The following SMARCC1 variants were observed in gnomAD, a reference collection of about 807,000 sequenced individuals.
SMARCC1 encodes the protein SWI/SNF complex subunit SMARCC1.
Under a neutral mutation model 147.4 loss-of-function variants are expected in SMARCC1, and 43 were observed. The ratio of observed to expected loss-of-function variants is 0.29; its 90% CI spans 0.23 to 0.38. The LOEUF (loss-of-function observed/expected upper bound fraction) is 0.38, where lower values mean the gene tolerates loss of function less well. Ranked by LOEUF, SMARCC1 falls within the 10% of genes least tolerant of loss-of-function variation. The pLI, the probability that SMARCC1 is intolerant of heterozygous loss-of-function variation, is 1.00. For missense variants in SMARCC1, 1,119 were observed against 1,381.1 expected, an observed-to-expected ratio of 0.81 and a Z score of 3.01; for synonymous variants, 495 against 484.4, an observed-to-expected ratio of 1.02 and a Z score of -0.29.
At chr3:47,655,294 A>AG (rs2033246690) in intron 21 of SMARCC1, among the ~76,000 whole-genome samples, 1 of 152,208 alleles carries the variant, frequency 6.6e-6, no homozygotes, top group Non-Finnish European at 1.5e-5. Context: ...GCTACTTGGG[A>AG]AGCTTAGGTG....
intron 26 of SMARCC1, among the ~76,000 whole-genome samples, chr3:47,601,982 G>A (rs1361544221): frequency 1.3e-5 from 2 of 152,062 alleles, no homozygotes; most frequent in African/African-American, 4.8e-5. Flanking sequence ...TTACAGGCAT[G>A]AGCCACCATG....
At chr3:47,722,966 A>G (rs1261239160) in intron 6 of SMARCC1, among the ~76,000 whole-genome samples, 2 of 152,204 alleles carry the variant, frequency 1.3e-5, no homozygotes, top group African/African-American at 4.8e-5. Context: ...GGATGACTGA[A>G]TAATTGCAAG....
At chr3:47,711,696 A>G (rs2034086431) in intron 8 of SMARCC1, among the ~76,000 whole-genome samples, 1 of 152,256 alleles carries the variant, frequency 6.6e-6, no homozygotes, top group Non-Finnish European at 1.5e-5. Flanking sequence ...CTGTTTTCAA[A>G]GAGCTACTAA....
At chr3:47,745,132 T>C (rs865915392) in intron 3 of SMARCC1, among the ~76,000 whole-genome samples, 15 of 152,000 alleles carry the variant, frequency 9.9e-5, no homozygotes, top group African/African-American at 3.6e-4. Context: ...GCTGGGCATG[T>C]GGTGGCAGGT....
chr3:47,701,997 A>G (rs1386730630), intron 10 of SMARCC1, among the ~76,000 whole-genome samples: 7 of 152,146 alleles, frequency 4.6e-5, no homozygotes, highest in Non-Finnish European at 1.5e-5. Context: ...GTGTAATAAA[A>G]TAACAACTGC....
intron 21 of SMARCC1, among the ~76,000 whole-genome samples, chr3:47,641,709 T>A (rs115191576): frequency 0.01 from 1,566 of 152,292 alleles, 23 homozygotes; most frequent in African/African-American, 0.036. Flanking sequence ...AAAACTTGAA[T>A]GTTATCTTAA....
At chr3:47,654,911 G>A (rs992276311) in intron 21 of SMARCC1, among the ~76,000 whole-genome samples, 5 of 152,192 alleles carry the variant, frequency 3.3e-5, no homozygotes, top group Non-Finnish European at 7.3e-5. Flanking sequence ...GGGGATCAAA[G>A]TTCAATATAA....
At chr3:47,631,101 A>T (rs2032883796) in intron 24 of SMARCC1, among the ~76,000 whole-genome samples, 6 of 152,006 alleles carry the variant, frequency 3.9e-5, no homozygotes, top group Admixed American at 3.9e-4. Context: ...AGAAAAAGAG[A>T]GAGAAGGAGA....
At chr3:47,602,930 G>A (rs952054185) in intron 26 of SMARCC1, among the ~76,000 whole-genome samples, 3 of 151,402 alleles carry the variant, frequency 2.0e-5, no homozygotes, top group Non-Finnish European at 4.4e-5. Flanking sequence ...CGAGAGGATC[G>A]CGTGAGCTCA....
At chr3:47,660,878 A>T (rs2033337135) in intron 21 of SMARCC1, among the ~76,000 whole-genome samples, 1 of 152,196 alleles carries the variant, frequency 6.6e-6, no homozygotes, top group Non-Finnish European at 1.5e-5. Context: ...TAAAATGAGG[A>T]ATTTTATGTT....
rs1334510795 is a variant in SMARCC1 at position 47,636,123 on chromosome 3, A to C, written c.2390T>G (p.Val797Gly). The C allele has an allele frequency of 7.5e-6, 12 of 1,598,376 alleles. No individual in the cohort carries two copies. Among genetic ancestry groups the C allele is most frequent in the South Asian group, 5.5e-5 (5 of 90,168 alleles). ...ATCACCTTCATCCGTTTCATTTTCC[A>C]CTTTATTTTCTGCCTGAAAGGGATA... is the stretch of plus-strand genomic sequence containing the variant. Reference protein sequence around the residue: ...GQQPEKAENKVENETDEGDKA... With the variant: ...GQQPEKAENKGENETDEGDKA... Residue 797 changes from valine (V) to glycine (G), a missense_variant, in exon 23 of 28, where the codon GTG becomes GGG. By Grantham distance (109) the Val-to-Gly change is moderately radical. This residue lies in a region of SMARCC1 where 157 missense variants were observed against 158.6 expected (regional missense o/e 0.99). Coordinates refer to ENST00000254480, the MANE Select transcript of SMARCC1 (RefSeq NM_003074.4).
At position 47,746,002 on chromosome 3, in the gene SMARCC1, G is replaced by A. The variant is rs760851027; in HGVS notation, c.316-9C>T. ...TCCATGAAACACTTTGCCTAAAAAT[G>A]ATACAAATTACACATGAGAAAAATA... On this transcript the variant is annotated splice_polypyrimidine_tract_variant and intron_variant, in intron 2 of 27. Coordinates refer to ENST00000254480, the MANE Select transcript of SMARCC1 (RefSeq NM_003074.4). The A allele has an allele frequency of 6.5e-7, 1 of 1,547,288 alleles. No homozygotes were observed. Among genetic ancestry groups the A allele is most frequent in the East Asian group, 2.3e-5 (1 of 43,152 alleles).
intron 2 of SMARCC1, 111 bp downstream of exon 2, chr3:47,772,706 T>C: frequency 9.3e-7 from 1 of 1,072,908 alleles, no homozygotes; most frequent in Non-Finnish European, 1.3e-6. Context: ...TTTTTGCTTT[T>C]TTTTTTTAAA....
intron 12 of SMARCC1, among the ~76,000 whole-genome samples, chr3:47,692,750 C>T (rs1056991595): frequency 6.6e-6 from 1 of 152,110 alleles, no homozygotes; most frequent in African/African-American, 2.4e-5. Flanking sequence ...CGGCCAGTCA[C>T]GGTGGCTCAC....
At chr3:47,643,930 C>T (rs1366515321) in intron 21 of SMARCC1, among the ~76,000 whole-genome samples, 57 of 152,150 alleles carry the variant, frequency 3.7e-4, no homozygotes, top group Admixed American at 3.7e-3. Flanking sequence ...GAAGCTCACG[C>T]CTATAATCTC....
chr3:47,714,179 T>C (rs1482325201), intron 8 of SMARCC1, among the ~76,000 whole-genome samples: 2 of 152,118 alleles, frequency 1.3e-5, no homozygotes, highest in Non-Finnish European at 2.9e-5. Context: ...GCCTGACCAA[T>C]CCAGTAAAAC....
At chr3:47,666,996 T>C (rs1353924996) in intron 19 of SMARCC1, among the ~76,000 whole-genome samples, 1 of 152,148 alleles carries the variant, frequency 6.6e-6, no homozygotes, top group African/African-American at 2.4e-5. Context: ...AATGCTATGT[T>C]TCCTATTATT....
chr3:47,768,411 C>G (rs1347141614), intron 2 of SMARCC1, among the ~76,000 whole-genome samples: 1 of 152,090 alleles, frequency 6.6e-6, no homozygotes, highest in African/African-American at 2.4e-5. Context: ...ATTTTAAAAT[C>G]TGGAACTAAA....
In SMARCC1 at chr3:47,586,306, T is replaced by C. The variant is rs1036503742; in HGVS notation, c.*1903A>G. On this transcript the variant is annotated 3_prime_UTR_variant, in exon 28 of 28. Transcript: ENST00000254480. ...CGGACTCCAGGGGAAAAAAGAAGTATTTGGAATGAGTTTCCTTTGGGAAAG... is the reference window on the plus strand; with the variant it reads ...CGGACTCCAGGGGAAAAAAGAAGTACTTGGAATGAGTTTCCTTTGGGAAAG... 1 of 152,208 alleles carries C rather than the reference T, an allele frequency of 6.6e-6. No individual in the cohort carries two copies. The highest frequency in any genetic ancestry group is 2.4e-5 in the African/African-American group (1 of 41,456). The allele number at this position is 152,208 out of a possible 1,614,324, so 9.4% of individuals were successfully genotyped here. A position where few individuals can be genotyped will look rare whatever the true frequency, so the allele number is the denominator to read the frequency against.
Sources: allele counts gnomAD v4.1 joint callset (sites outside exome capture counted in the v4.1 genomes callset), GRCh38; gene constraint gnomAD v4.1.1; regional missense constraint gnomAD v4.1.1; transcripts MANE v1.5; gene names NCBI Gene and HGNC (gene_info 2026-07-23, HGNC 2026-07-21).